The following PALLD variants were observed in gnomAD, a reference collection of about 807,000 sequenced individuals.
PALLD encodes the protein palladin.
Under a neutral mutation model 123.5 loss-of-function variants are expected in PALLD, and 61 were observed. That is an observed-to-expected ratio of 0.49 (90% confidence interval 0.40 to 0.61). The LOEUF is 0.61. PALLD is among the 20% of genes least tolerant of loss of function. PALLD has a pLI of 0.00. For synonymous variants in PALLD, 465 were observed against 496.4 expected (o/e 0.94, Z 0.84); for missense variants, 1,273 against 1,377.0 (o/e 0.92, Z 1.20).
chr4:168,764,148 T>C (rs1319567779), intron 10 of PALLD, among the ~76,000 whole-genome samples: 5 of 152,164 alleles, frequency 3.3e-5, no homozygotes, highest in Non-Finnish European at 5.9e-5. Flanking sequence ...CTTATAGATA[T>C]GGGACTTTGT....
intron 2 of PALLD, among the ~76,000 whole-genome samples, chr4:168,625,502 G>GATAGATAGATATATATATATAT: frequency 2.5e-4 from 29 of 114,420 alleles, no homozygotes; most frequent in African/African-American, 5.0e-4. Context: ...ATATCCAGGA[G>GATAGATAGATATATATATATAT]ATATATATAT....
chr4:168,709,789 T>C (rs1438633318), intron 9 of PALLD, among the ~76,000 whole-genome samples: 1 of 151,778 alleles, frequency 6.6e-6, no homozygotes, highest in African/African-American at 2.4e-5. Flanking sequence ...GAAGTGGAGA[T>C]GACAAACAAA....
intron 9 of PALLD, among the ~76,000 whole-genome samples, chr4:168,710,623 A>G (rs951164054): frequency 1.6e-4 from 25 of 152,326 alleles, no homozygotes; most frequent in African/African-American, 6.0e-4. Context: ...TGGGAGGGTC[A>G]TCTTAAGTGG....
At chr4:168,576,571 A>G (rs1769622038) in intron 2 of PALLD, among the ~76,000 whole-genome samples, 1 of 152,006 alleles carries the variant, frequency 6.6e-6, no homozygotes, top group Non-Finnish European at 1.5e-5. Flanking sequence ...TGAACTCATC[A>G]TTTTTATGGC....
At position 168,703,449 on chromosome 4, in the gene PALLD, A is replaced by C. The variant is rs77347933; in HGVS notation, c.1502-5579A>C. ...AGTAATGGGATGGCTGGGTCAAATG[A>C]TATTTCCAGTTCTAGATCCCTGAGG... On this transcript the variant is annotated intron_variant, in intron 8 of 21. Transcript: ENST00000505667. Among the ~76,000 whole-genome samples, 581 of 98,964 alleles carry C rather than the reference A, an allele frequency of 5.9e-3. 1 individual carries two copies. Among genetic ancestry groups the C allele is most frequent in the African/African-American group, 0.015 (238 of 15,876 alleles). 64.9% of individuals were successfully genotyped at this position (98,964 alleles called of 152,430 possible).
chr4:168,668,394 G>A, intron 3 of PALLD, 26 bp downstream of exon 3: 1 of 1,565,446 alleles, frequency 6.4e-7, no homozygotes, highest in Non-Finnish European at 8.7e-7. Flanking sequence ...TGGTAATGGG[G>A]GATAAAGGGG....
At position 168,511,421 on chromosome 4, in the gene PALLD, A is replaced by G; in HGVS notation, c.-82-2A>G. 2 of 1,006,594 alleles carry G rather than the reference A, an allele frequency of 2.0e-6. No individual in the cohort carries two copies. Among genetic ancestry groups the G allele is most frequent in the South Asian group, 1.3e-5 (1 of 76,866 alleles). 62.4% of individuals were successfully genotyped at this position (1,006,594 alleles called of 1,614,324 possible). On this transcript the variant is annotated splice_acceptor_variant, in intron 1 of 21. Coordinates refer to ENST00000505667, the MANE Select transcript of PALLD (RefSeq NM_001166108.2). LOFTEE classifies it low-confidence loss of function (5UTR_SPLICE). ...CTAATGACATTCTATGCTGTCTTTC[A>G]GAACACAGTTTCAGAAAACAGTTTC...
intron 10 of PALLD, among the ~76,000 whole-genome samples, chr4:168,854,137 C>G (rs1748221636): frequency 6.6e-6 from 1 of 151,092 alleles, no homozygotes; most frequent in African/African-American, 2.4e-5. Context: ...ATGTTTGCTA[C>G]TACTGCCTCT....
intron 10 of PALLD, among the ~76,000 whole-genome samples, chr4:168,724,452 C>A (rs573044220): frequency 2.6e-5 from 4 of 152,300 alleles, no homozygotes; most frequent in Admixed American, 2.6e-4. Context: ...AGTTCATTTT[C>A]TCAACAAATC....
At chr4:168,567,568 T>TGTGTGTGA (rs1768529942) in intron 2 of PALLD, among the ~76,000 whole-genome samples, 1 of 149,722 alleles carries the variant, frequency 6.7e-6, no homozygotes. Flanking sequence ...TGTGTGTGTG[T>TGTGTGTGA]ATGTAGATAT....
At chr4:168,693,162 GCGCCC>G (rs1782799963) in intron 8 of PALLD, among the ~76,000 whole-genome samples, 1 of 146,272 alleles carries the variant, frequency 6.8e-6, no homozygotes, top group East Asian at 2.3e-4. Context: ...CATCTACCCT[GCGCCC>G]TGCGTCTTCA....
At chr4:168,568,446 C>T (rs1768633466) in intron 2 of PALLD, among the ~76,000 whole-genome samples, 1 of 151,998 alleles carries the variant, frequency 6.6e-6, no homozygotes, top group African/African-American at 2.4e-5. Context: ...TTCCTTCACA[C>T]AATCCCACAA....
intron 2 of PALLD, among the ~76,000 whole-genome samples, chr4:168,660,956 G>A (rs1304056909): frequency 6.6e-6 from 1 of 151,200 alleles, no homozygotes; most frequent in Non-Finnish European, 1.5e-5. Flanking sequence ...CCAGGCTGGA[G>A]TGCAGTGGCA....
At chr4:168,911,869 AT>A (rs1400649453) in intron 15 of PALLD, among the ~76,000 whole-genome samples, 6 of 152,212 alleles carry the variant, frequency 3.9e-5, no homozygotes, top group Admixed American at 6.5e-5. Flanking sequence ...AACACCGTGA[AT>A]GCCAGACGGA....
At chr4:168,874,008 G>T (rs1296262490) in intron 10 of PALLD, among the ~76,000 whole-genome samples, 1 of 152,216 alleles carries the variant, frequency 6.6e-6, no homozygotes, top group Non-Finnish European at 1.5e-5. Context: ...CATAGGTGAA[G>T]AGAAACATCC....
intron 2 of PALLD, among the ~76,000 whole-genome samples, chr4:168,541,485 T>TTATC (rs1156979427): frequency 6.7e-6 from 1 of 150,340 alleles, no homozygotes; most frequent in African/African-American, 2.5e-5. Context: ...ATTTATTTAT[T>TTATC]TATCTGTTGA....
intron 8 of PALLD, among the ~76,000 whole-genome samples, chr4:168,701,979 A>T (rs1214394987): frequency 1.3e-5 from 2 of 152,230 alleles, no homozygotes; most frequent in Non-Finnish European, 2.9e-5. Flanking sequence ...ACAAGCTTAT[A>T]TCCTGTTCCA....
chr4:168,826,847 G>A (rs986898891), intron 10 of PALLD, among the ~76,000 whole-genome samples: 1 of 152,128 alleles, frequency 6.6e-6, no homozygotes, highest in African/African-American at 2.4e-5. Flanking sequence ...CAAGGTCATG[G>A]AAACAGTGGA....
intron 10 of PALLD, among the ~76,000 whole-genome samples, chr4:168,812,033 C>A: frequency 6.6e-6 from 1 of 151,444 alleles, no homozygotes; most frequent in East Asian, 1.9e-4. Context: ...TAGAAAAGGC[C>A]AAAAGTATAA....
Sources: gnomAD v4.1 joint callset for allele counts (sites outside exome capture counted in the v4.1 genomes callset) on GRCh38, gnomAD v4.1.1 for gene constraint, MANE v1.5 for transcripts, NCBI Gene and HGNC (gene_info 2026-07-23, HGNC 2026-07-21) for gene names.